The following RMDN2 variants were observed in gnomAD, a reference collection of about 807,000 sequenced individuals.
RMDN2 encodes regulator of microtubule dynamics 2.
Under a neutral mutation model 52.8 loss-of-function variants are expected in RMDN2, and 61 were observed. The ratio of observed to expected loss-of-function variants is 1.16; its 90% CI spans 0.94 to 1.43. The LOEUF (loss-of-function observed/expected upper bound fraction) is 1.43. Among genes scored for constraint, RMDN2 ranks in the 40% most tolerant of loss-of-function variants. The pLI is 0.00. For missense variants in RMDN2, 592 were observed against 475.3 expected, an observed-to-expected ratio of 1.25 and a Z score of -2.28; for synonymous variants, 180 against 153.1, an observed-to-expected ratio of 1.18 and a Z score of -1.30.
At chr2:38,058,920 G>A (rs533509613) in intron 10 of RMDN2, among the ~76,000 whole-genome samples, 10 of 152,120 alleles carry the variant, frequency 6.6e-5, no homozygotes, top group South Asian at 2.1e-4. Context: ...TTATATTTAT[G>A]TTCACACTCA....
intron 7 of RMDN2, among the ~76,000 whole-genome samples, chr2:37,994,538 A>G (rs1320939177): frequency 6.6e-6 from 1 of 152,230 alleles, no homozygotes; most frequent in African/African-American, 2.4e-5. Flanking sequence ...TCCAGATCAC[A>G]TTTCAATTAC....
rs1669760741 is a variant in RMDN2, at chr2:37,958,351, A to ATTATGTG, written c.453-15689_453-15688insTTATGTG. 4.8e-4 allele frequency among the ~76,000 whole-genome samples: 73 copies of ATTATGTG among 151,300 alleles called. 2 individuals are homozygous for ATTATGTG. The highest frequency in any genetic ancestry group is 1.8e-3 in the African/African-American group (72 of 40,654). On this transcript the variant is annotated intron_variant, in intron 2 of 10. Coordinates refer to ENST00000354545, the MANE Select transcript of RMDN2 (RefSeq NM_001170791.3). ...AGTGGTTTGTAGTTCTTCTTGAAGAAGTCCTTCACATCCCCTCTAAGTTGT... is the reference window on the plus strand; with the variant it reads ...AGTGGTTTGTAGTTCTTCTTGAAGAATTATGTGGTCCTTCACATCCCCTCTAAGTTGT...
At chr2:37,992,012 AAG>A (rs1674870193) in intron 7 of RMDN2, among the ~76,000 whole-genome samples, 1 of 152,238 alleles carries the variant, frequency 6.6e-6, no homozygotes, top group Non-Finnish European at 1.5e-5. Context: ...TTGCAGCTGA[AAG>A]AGAATTAGAG....
intron 2 of RMDN2, among the ~76,000 whole-genome samples, chr2:37,936,507 C>T (rs1002315392): frequency 2.6e-5 from 4 of 152,194 alleles, no homozygotes; most frequent in African/African-American, 9.7e-5. Flanking sequence ...TACACTCCCA[C>T]CAACAGTGTA....
At chr2:37,994,524 G>A (rs1480522105) in intron 7 of RMDN2, among the ~76,000 whole-genome samples, 1 of 152,148 alleles carries the variant, frequency 6.6e-6, no homozygotes, top group Non-Finnish European at 1.5e-5. Context: ...ATGTTTGACT[G>A]TTTTCCAGAT....
intron 10 of RMDN2, 50 bp downstream of exon 10, chr2:38,004,266 G>A (rs199942158): frequency 7.0e-6 from 9 of 1,288,102 alleles, no homozygotes; most frequent in Admixed American, 5.1e-5. Context: ...AGTACTATTC[G>A]AGCTCAAAAC....
chr2:38,044,007 A>C (rs1681119143), intron 10 of RMDN2, among the ~76,000 whole-genome samples: 1 of 152,076 alleles, frequency 6.6e-6, no homozygotes, highest in Middle Eastern at 3.4e-3. Flanking sequence ...CTCTTTTAGA[A>C]ATTTCTTTTA....
intron 10 of RMDN2, among the ~76,000 whole-genome samples, chr2:38,050,179 C>G (rs1681500873): frequency 6.6e-6 from 1 of 152,064 alleles, no homozygotes; most frequent in African/African-American, 2.4e-5. Context: ...ATAAAATGAA[C>G]TCTGTGAGAC....
chr2:37,947,717 C>T (rs1668336863), intron 2 of RMDN2, among the ~76,000 whole-genome samples: 1 of 152,284 alleles, frequency 6.6e-6, no homozygotes, highest in East Asian at 1.9e-4. Flanking sequence ...CTCAGATCAG[C>T]TAAAGATGTG....
rs746003284 is a variant in RMDN2, at chr2:37,929,347, C to T, written c.70C>T (p.Leu24Phe). The T allele has an allele frequency of 1.9e-5, 30 of 1,551,608 alleles. No individual in the cohort carries two copies. Among genetic ancestry groups the T allele is most frequent in the Middle Eastern group, 1.7e-4 (1 of 6,016 alleles). The change falls in exon 2 of 11, where the codon CTC (leucine) becomes TTC (phenylalanine). Residue 24 changes from leucine (L) to phenylalanine (F), a missense_variant. Leu to Phe is a conservative substitution (Grantham distance 22, BLOSUM62 0). Transcript: ENST00000354545. ...GGGCACTGCTGGAATCAGCTTGCTG[C>T]TCTTGTGGTACCACAAGGTCCGTAA... ...MVGTAGISLLLLWYHKVRKPG... is the reference protein window; with the variant it reads ...MVGTAGISLLFLWYHKVRKPG...
At chr2:38,061,646 C>CACACACACACACAT (rs1553393406) in intron 10 of RMDN2, among the ~76,000 whole-genome samples, 1 of 149,828 alleles carries the variant, frequency 6.7e-6, no homozygotes, top group African/African-American at 2.5e-5. Context: ...CACACACACA[C>CACACACACACACAT]ACACACATAC....
At chr2:37,924,369 T>C (rs531133975), upstream of RMDN2, among the ~76,000 whole-genome samples, 6 of 152,322 alleles carry the variant, frequency 3.9e-5, no homozygotes, top group South Asian at 1.2e-3. Flanking sequence ...AAGCAGTGTA[T>C]GTACTGTTTT....
At chr2:37,937,233 T>C (rs1314930886) in intron 2 of RMDN2, among the ~76,000 whole-genome samples, 2 of 152,242 alleles carry the variant, frequency 1.3e-5, no homozygotes, top group African/African-American at 4.8e-5. Flanking sequence ...GTGTTATTTC[T>C]GAAGCCTCTG....
upstream of RMDN2, among the ~76,000 whole-genome samples, chr2:37,923,898 C>CTGG (rs1666104057): frequency 6.6e-6 from 1 of 152,062 alleles, no homozygotes; most frequent in Non-Finnish European, 1.5e-5. Context: ...TACAGAAGTG[C>CTGG]GCCACCACAC....
Position 37,953,598 on chromosome 2 carries a change from A to T in RMDN2, c.453-20442A>T, listed in dbSNP as rs528996562. Among the ~76,000 whole-genome samples, 2 of 152,192 alleles carry T rather than the reference A, an allele frequency of 1.3e-5. 1 individual carries two copies. The highest frequency in any genetic ancestry group is 1.3e-4 in the Admixed American group (2 of 15,266). Reference sequence around the variant, plus strand: ...TTGCATATCCTTTATCCACCAGTGGACAATTTGGGTCACTTCCATGTTTAA... The same window carrying T: ...TTGCATATCCTTTATCCACCAGTGGTCAATTTGGGTCACTTCCATGTTTAA... On this transcript the variant is annotated intron_variant, in intron 2 of 10. Coordinates refer to ENST00000354545, the MANE Select transcript of RMDN2 (RefSeq NM_001170791.3).
At chr2:38,005,674 G>T (rs1415273429) in intron 10 of RMDN2, among the ~76,000 whole-genome samples, 3 of 152,140 alleles carry the variant, frequency 2.0e-5, no homozygotes, top group African/African-American at 4.8e-5. Flanking sequence ...CTGTTGGTAG[G>T]TTCTTTTGCT....
At chr2:37,939,195 T>C (rs762967378) in intron 2 of RMDN2, among the ~76,000 whole-genome samples, 1 of 152,228 alleles carries the variant, frequency 6.6e-6, no homozygotes, top group Non-Finnish European at 1.5e-5. Flanking sequence ...TTCCATGTAA[T>C]TGTGCAGTTT....
rs574669497 is a variant in RMDN2 at position 37,933,736 on chromosome 2, C to G, written c.452+4007C>G. On this transcript the variant is annotated intron_variant, in intron 2 of 10. Coordinates refer to ENST00000354545, the MANE Select transcript of RMDN2 (RefSeq NM_001170791.3). ...AGATGGCAGCAGTACCATCCAGCTT[C>G]GGCTCGGCATCAGAGGGAGACCGTG... is the stretch of plus-strand genomic sequence containing the variant. Among the ~76,000 whole-genome samples, 53 of 152,194 alleles carry G rather than the reference C, an allele frequency of 3.5e-4. 1 individual carries two copies. Among genetic ancestry groups the G allele is most frequent in the Non-Finnish European group, 6.9e-4 (47 of 68,008 alleles).
intron 2 of RMDN2, among the ~76,000 whole-genome samples, chr2:37,944,755 G>T (rs1179099431): frequency 6.6e-6 from 1 of 152,204 alleles, no homozygotes; most frequent in African/African-American, 2.4e-5. Flanking sequence ...CTTGACTTTA[G>T]ATGGAAGGAG....
Sources: gnomAD v4.1 joint callset for allele counts (sites outside exome capture counted in the v4.1 genomes callset) on GRCh38, gnomAD v4.1.1 for gene constraint, MANE v1.5 for transcripts, NCBI Gene and HGNC (gene_info 2026-07-23, HGNC 2026-07-21) for gene names.